CKMT1A: variants seen among roughly 807,000 people sequenced by gnomAD.
CKMT1A encodes creatine kinase U-type, mitochondrial.
A neutral mutation model predicts 21.8 loss-of-function variants in CKMT1A; 23 were observed. That is an observed-to-expected ratio of 1.05 (90% confidence interval 0.76 to 1.49). CKMT1A has a LOEUF of 1.49. CKMT1A is among the 40% of genes most tolerant of loss of function. The probability of loss-of-function intolerance (pLI) is 0.00; values close to 1 mark genes in which losing one functional copy is unlikely to be tolerated. For missense variants in CKMT1A, 154 were observed against 229.4 expected, an observed-to-expected ratio of 0.67 and a Z score of 2.12; for synonymous variants, 67 against 80.4, an observed-to-expected ratio of 0.83 and a Z score of 0.89.
At chr15:43,698,568 G>A (rs2086488454) in intron 7 of CKMT1A, 73 bp from the exon 8 acceptor site, 1 of 1,531,292 alleles carries the variant, frequency 6.5e-7, no homozygotes. Flanking sequence ...CTCTGAGCAG[G>A]TTCAGGGCTC....
Position 43,698,727 on chromosome 15 carries a change from C to T in CKMT1A, c.1098C>T (p.Val366=). 6.2e-7 allele frequency: 1 copy of T among 1,613,612 alleles called. No individual in the cohort carries two copies. The highest frequency in any genetic ancestry group is 8.5e-7 in the Non-Finnish European group (1 of 1,179,858). ...TGGACACTGCTGCCACAGGCGGTGTCTTTGATATTTCTAATTTGGACCGAC... is the reference window on the plus strand; with the variant it reads ...TGGACACTGCTGCCACAGGCGGTGTTTTTGATATTTCTAATTTGGACCGAC... ...GGVDTAATGG[V]FDISNLDRLG... The change falls in exon 8 of 9, where the codon GTC becomes GTT. Residue 366 remains valine, a synonymous_variant. Coordinates refer to ENST00000413453, the MANE Select transcript of CKMT1A (RefSeq NM_001321926.2).
At chr15:43,697,977 C>T in intron 6 of CKMT1A, 37 bp from the exon 7 acceptor site, 1 of 1,613,262 alleles carries the variant, frequency 6.2e-7, no homozygotes, top group Non-Finnish European at 8.5e-7. Context: ...AATGAAATAT[C>T]CCTGATTTTT....
At position 43,696,295 on chromosome 15, in the gene CKMT1A, G is replaced by C. The variant is rs780604143; in HGVS notation, c.808G>C (p.Val270Leu). 1 of 1,601,698 alleles carries C rather than the reference G, an allele frequency of 6.2e-7. No individual in the cohort carries two copies. ...GGTGAATGAGGAGGATCATACACGG[G>C]TGATCTCCATGGAGAAGGGTGGTAA... ...IWVNEEDHTR[V>L]ISMEKGGNMK... Residue 270 changes from valine (V) to leucine (L), a missense_variant, in exon 6 of 9, where the codon GTG becomes CTG. Val to Leu is a conservative substitution (Grantham distance 32, BLOSUM62 1). Coordinates refer to ENST00000413453, the MANE Select transcript of CKMT1A (RefSeq NM_001321926.2).
chr15:43,698,808 G>T, intron 8 of CKMT1A, 42 bp downstream of exon 8: 1 of 1,611,422 alleles, frequency 6.2e-7, no homozygotes, highest in Non-Finnish European at 8.5e-7. Context: ...GTATAGGTCT[G>T]TGGGGGCTGA....
Position 43,695,793 on chromosome 15 carries a change from C to T in CKMT1A, c.550C>T (p.Arg184Ter). The change falls in exon 4 of 9, where the codon CGA becomes TGA. Residue 184 changes from arginine to a stop codon, truncating the protein, a stop_gained. Transcript: ENST00000413453. LOFTEE classifies it high-confidence loss of function. ...SLPPACTRAE[R>*]REVERVVVDA... is the part of the protein sequence containing the mutation. The stretch of plus-strand genomic sequence containing the variant: ...GCCTCCAGCTTGCACTCGAGCAGAG[C>T]GACGAGAGGTGGAACGTGTTGTGGT... 1 of 140,412 alleles carries T rather than the reference C, an allele frequency of 7.1e-6. No individual in the cohort carries two copies. The highest frequency in any genetic ancestry group is 1.2e-5 in the Non-Finnish European group (1 of 82,774). The allele number at this position is 140,412 out of a possible 1,614,324, so 8.7% of individuals were successfully genotyped here.
At chr15:43,698,608 T>C (rs746375392) in intron 7 of CKMT1A, 33 bp from the exon 8 acceptor site, 3 of 1,603,834 alleles carry the variant, frequency 1.9e-6, no homozygotes, top group Non-Finnish European at 2.6e-6. Flanking sequence ...CTGCCTCTAT[T>C]GACCCTGCTC....
intron 7 of CKMT1A, 123 bp downstream of exon 7, chr15:43,698,271 A>G: frequency 7.0e-7 from 1 of 1,424,332 alleles, no homozygotes; most frequent in Non-Finnish European, 9.6e-7. Flanking sequence ...AGGACAGGCC[A>G]GGCACAGTGG....
intron 8 of CKMT1A, 68 bp from the exon 9 acceptor site, chr15:43,698,905 C>T (rs2086497166): frequency 6.2e-7 from 1 of 1,603,506 alleles, no homozygotes; most frequent in Non-Finnish European, 8.5e-7. Context: ...AATGAGCAGG[C>T]AAGTCAGTCA....
chr15:43,697,196 G>C (rs1306652756), intron 6 of CKMT1A: 2 of 1,217,308 alleles, frequency 1.6e-6, no homozygotes, highest in Admixed American at 2.8e-5. Context: ...CTACATTTTA[G>C]GTTGTTGTGG....
chr15:43,696,502 A>G, intron 6 of CKMT1A, 139 bp downstream of exon 6: 1 of 1,365,232 alleles, frequency 7.3e-7, no homozygotes, highest in Non-Finnish European at 1.0e-6. Context: ...TCACTCTAGG[A>G]CTAAAGGTAT....
rs2086488845 is a variant in CKMT1A, at chr15:43,698,596, C to T, written c.1012-45C>T. 3 of 1,590,840 alleles carry T rather than the reference C, an allele frequency of 1.9e-6. No individual in the cohort carries two copies. In the Admixed American group the frequency reaches 5.3e-5, roughly 28 times the overall value. ...CAGGGCTCTTTCAGGTAGGACTAGT[C>T]TCTGCCTCTATTGACCCTGCTCCCA... On this transcript the variant is annotated intron_variant, in intron 7 of 8. Transcript: ENST00000413453.
At chr15:43,698,367 G>C (rs1429948367) in intron 7 of CKMT1A, among the ~76,000 whole-genome samples, 1 of 151,730 alleles carries the variant, frequency 6.6e-6, no homozygotes, top group Non-Finnish European at 1.5e-5. Context: ...GGGCAACCTG[G>C]TGAAACCCCA....
Position 43,698,710 on chromosome 15 carries a change from G to A in CKMT1A, c.1081G>A (p.Ala361Thr), listed in dbSNP as rs1343973823. Residue 361 changes from alanine to threonine, a missense_variant, in exon 8 of 9, where the codon GCT (alanine) becomes ACT (threonine). Physicochemically the swap from Ala to Thr is moderately conservative, Grantham distance 58. Transcript: ENST00000413453. ...GCGTGGTACTGGAGGAGTGGACACT[G>A]CTGCCACAGGCGGTGTCTTTGATAT... ...QKRGTGGVDT[A>T]ATGGVFDISN... is the part of the protein sequence containing the mutation. 6.2e-7 allele frequency: 1 copy of A among 1,613,666 alleles called. No homozygotes were observed.
At position 43,695,863 on chromosome 15, in the gene CKMT1A, A is replaced by G; in HGVS notation, c.620A>G (p.Tyr207Cys). 2 of 204,492 alleles carry G rather than the reference A, an allele frequency of 9.8e-6. No homozygotes were observed. The highest frequency in any genetic ancestry group is 5.8e-5 in the South Asian group (2 of 34,260). 12.7% of individuals were successfully genotyped at this position (204,492 alleles called of 1,614,324 possible). ...GLKGDLAGRY[Y>C]RLSEMTEAEQ... ...AAGGGTGACCTGGCTGGACGTTACT[A>G]TAGGCTCAGTGAGATGACAGAGGCT... The change falls in exon 4 of 9, where the codon TAT becomes TGT. Residue 207 changes from tyrosine (Y) to cysteine (C), a missense_variant. Physicochemically the swap from Tyr to Cys is radical, Grantham distance 194. Transcript: ENST00000413453.
rs2086438514 is a variant in CKMT1A, at chr15:43,696,089, A to T, written c.717A>T (p.Gly239=). 7.8e-6 allele frequency: 5 copies of T among 642,542 alleles called. 1 individual carries two copies. Among genetic ancestry groups the T allele is most frequent in the Non-Finnish European group, 1.2e-5 (5 of 407,150 alleles). The allele number at this position is 642,542 out of a possible 1,614,324, so 39.8% of individuals were successfully genotyped here. ...TGTCCCCGTTGCTGACTGCAGCAGG[A>T]ATGGCTCGAGACTGGCCAGATGCTC... ...KPVSPLLTAA[G]MARDWPDARG... Residue 239 remains glycine, a synonymous_variant, in exon 5 of 9, where the codon GGA becomes GGT. Transcript: ENST00000413453.
At chr15:43,698,285 A>T in intron 7 of CKMT1A, 137 bp downstream of exon 7, 1 of 1,303,894 alleles carries the variant, frequency 7.7e-7, no homozygotes, top group Non-Finnish European at 1.1e-6. Flanking sequence ...ACAGTGGCTC[A>T]TGCCTCTAAT....
rs752027794 is a variant in CKMT1A, at chr15:43,696,372, A to T, written c.876+9A>T. 1.9e-5 allele frequency: 31 copies of T among 1,611,000 alleles called. No homozygotes were observed. The highest frequency in any genetic ancestry group is 1.0e-5 in the Non-Finnish European group (12 of 1,179,158). On this transcript the variant is annotated intron_variant, in intron 6 of 8. Transcript: ENST00000413453. ...GCCGAGGCCTCAAAGAGGTTAGAGA[A>T]GATTGTGTAGGGGAGCTAGGTGGGA...
rs3866948 is a variant in CKMT1A at position 43,697,570 on chromosome 15, T to C, written c.877-444T>C. ...ACACAGGTGCTCCGTTCACAGCTAA[T>C]AGAACGTTATCTCACCTCTTCCTGG... On this transcript the variant is annotated intron_variant, in intron 6 of 8. Coordinates refer to ENST00000413453, the MANE Select transcript of CKMT1A (RefSeq NM_001321926.2). The C allele has an allele frequency of 9.8e-5, 96 of 984,190 alleles. 1 individual carries two copies. The highest frequency in any genetic ancestry group is 3.4e-4 in the East Asian group (3 of 8,812). 61.0% of individuals were successfully genotyped at this position (984,190 alleles called of 1,614,324 possible).
chr15:43,698,059 G>C lies in CKMT1A; in HGVS notation c.922G>C (p.Glu308Gln). The C allele has an allele frequency of 1.2e-6, 2 of 1,613,466 alleles. No individual in the cohort carries two copies. The highest frequency in any genetic ancestry group is 1.7e-6 in the Non-Finnish European group (2 of 1,179,666). Reference sequence around the variant, plus strand: ...ACGTGGCTGGGAGTTCATGTGGAATGAGCGTTTGGGATACATCTTGACCTG... The same window carrying C: ...ACGTGGCTGGGAGTTCATGTGGAATCAGCGTTTGGGATACATCTTGACCTG... ...QERGWEFMWN[E>Q]RLGYILTCPS... Residue 308 changes from glutamate to glutamine, a missense_variant, in exon 7 of 9, where the codon GAG becomes CAG. By Grantham distance (29) the Glu-to-Gln change is conservative. Coordinates refer to ENST00000413453, the MANE Select transcript of CKMT1A (RefSeq NM_001321926.2).
Sources: gnomAD v4.1 joint callset for allele counts (sites outside exome capture counted in the v4.1 genomes callset) on GRCh38, gnomAD v4.1.1 for gene constraint, MANE v1.5 for transcripts, NCBI Gene and HGNC (gene_info 2026-07-23, HGNC 2026-07-21) for gene names.